Variants in ITGA9 observed in about 807,000 individuals in gnomAD.
ITGA9 encodes the protein integrin subunit alpha 9, also known as integrin alpha-9.
In ITGA9, 56 loss-of-function variants were observed where a neutral mutation model predicts 127.8. The ratio of observed to expected loss-of-function variants is 0.44; its 90% CI spans 0.35 to 0.55. The LOEUF (loss-of-function observed/expected upper bound fraction) is 0.55, where lower values mean the gene tolerates loss of function less well. Among genes scored for constraint, ITGA9 ranks in the 20% least tolerant of loss-of-function variants. The probability of loss-of-function intolerance (pLI) is 0.00; values close to 1 mark genes in which losing one functional copy is unlikely to be tolerated. For synonymous variants in ITGA9, 508 were observed against 514.5 expected, an observed-to-expected ratio of 0.99 and a Z score of 0.17; for missense variants, 1,196 against 1,347.1, an observed-to-expected ratio of 0.89 and a Z score of 1.76.
At chr3:37,708,145 A>ACTCATG (rs997679147) in intron 18 of ITGA9, among the ~76,000 whole-genome samples, 5 of 151,998 alleles carry the variant, frequency 3.3e-5, no homozygotes, top group African/African-American at 9.7e-5. Context: ...GGCCAACCTT[A>ACTCATG]CTCATGTGTC....
At chr3:37,693,123 G>A (rs1390809960) in intron 18 of ITGA9, among the ~76,000 whole-genome samples, 5 of 152,160 alleles carry the variant, frequency 3.3e-5, no homozygotes, top group East Asian at 1.9e-4. Flanking sequence ...CTGTAAGCTC[G>A]TGAGGAATGT....
intron 18 of ITGA9, among the ~76,000 whole-genome samples, chr3:37,708,112 C>T (rs569361308): frequency 2.1e-4 from 32 of 152,302 alleles, no homozygotes; most frequent in African/African-American, 7.0e-4. Flanking sequence ...TTTTTCAGTT[C>T]TGGGCCAGGC....
chr3:37,784,700 TCTAA>T (rs917075504), intron 25 of ITGA9, among the ~76,000 whole-genome samples: 5 of 152,186 alleles, frequency 3.3e-5, no homozygotes, highest in African/African-American at 9.7e-5. Context: ...AATATCTGGC[TCTAA>T]CTGCTTGGAA....
rs115822488 is a variant in ITGA9 at position 37,573,343 on chromosome 3, C to T, written c.1689+30758C>T. ...GATTCTGTTTACTGAGAGATGATGT[C>T]CCAGTTACTCTAGCTCTGTAACAAA... On this transcript the variant is annotated intron_variant, in intron 15 of 27. Transcript: ENST00000264741. The T allele has an allele frequency of 3.5e-3, 533 of 152,248 alleles. 2 individuals are homozygous for T. The highest frequency in any genetic ancestry group is 0.017 in the Middle Eastern group (5 of 294). The allele number at this position is 152,248 out of a possible 1,614,324, so 9.4% of individuals were successfully genotyped here.
rs1052523613 is a variant in ITGA9, at chr3:37,452,622, G to GCGC, written c.185+74_185+76dup. On this transcript the variant is annotated intron_variant, in intron 1 of 27. Coordinates refer to ENST00000264741, the MANE Select transcript of ITGA9 (RefSeq NM_002207.3). This position sits in a 1 kb window ranked among gnomAD's most constrained non-coding sequence, Gnocchi z 7.3. ...GGCCACCGCCCCGGCCCCCAGGCCA[G>GCGC]CGCCGCCGCCGCCTTTCCGGTCTCT... 1.5e-4 allele frequency: 200 copies of GCGC among 1,356,354 alleles called. No individual in the cohort carries two copies. The highest frequency in any genetic ancestry group is 1.8e-4 in the Non-Finnish European group (185 of 1,034,148). 84.0% of individuals were successfully genotyped at this position (1,356,354 alleles called of 1,614,324 possible).
chr3:37,516,976 G>A (rs1020852301), intron 9 of ITGA9, among the ~76,000 whole-genome samples: 1 of 152,146 alleles, frequency 6.6e-6, no homozygotes, highest in Non-Finnish European at 1.5e-5. Flanking sequence ...TGCCATCACA[G>A]CCACCCTCTG....
intron 27 of ITGA9, chr3:37,808,722 T>G (rs1697330132): frequency 6.6e-6 from 1 of 152,208 alleles, no homozygotes; most frequent in African/African-American, 2.4e-5. Context: ...TAAGCTGGTC[T>G]TCAGAGTTCA....
chr3:37,457,133 C>T (rs189129952), intron 1 of ITGA9, among the ~76,000 whole-genome samples: 40 of 152,270 alleles, frequency 2.6e-4, no homozygotes, highest in East Asian at 1.9e-4. Context: ...AAAACCGAAA[C>T]GGGTGCTTAC....
intron 15 of ITGA9, among the ~76,000 whole-genome samples, chr3:37,543,661 G>T (rs563027843): frequency 6.6e-6 from 1 of 152,300 alleles, no homozygotes; most frequent in South Asian, 2.1e-4. Context: ...CTGACTGATA[G>T]TTTGAAAAGT....
intron 15 of ITGA9, among the ~76,000 whole-genome samples, chr3:37,574,627 A>G (rs1230637490): frequency 6.6e-6 from 1 of 152,226 alleles, no homozygotes; most frequent in Non-Finnish European, 1.5e-5. Context: ...GTCTCCTTTT[A>G]GCCCCACAGT....
rs531278104 is a variant in ITGA9 at position 37,768,068 on chromosome 3, TTGAAA to T, written c.2542-9319_2542-9315del. Among the ~76,000 whole-genome samples the T allele has an allele frequency of 2.0e-3, 305 of 152,338 alleles. 1 individual carries two copies. Among genetic ancestry groups the T allele is most frequent in the African/African-American group, 6.6e-3 (273 of 41,572 alleles). The stretch of plus-strand genomic sequence containing the variant: ...CCTGAGTCTGCATTATTACAGGGTC[TTGAAA>T]TGAATGGTGATACGTGAAAGTATTT... On this transcript the variant is annotated intron_variant, in intron 23 of 27. Transcript: ENST00000264741.
chr3:37,621,391 T>A (rs1030684621), intron 15 of ITGA9, among the ~76,000 whole-genome samples: 2 of 152,232 alleles, frequency 1.3e-5, no homozygotes, highest in Non-Finnish European at 2.9e-5. Context: ...TCTTTCGTTG[T>A]TCCCCCATAC....
chr3:37,677,200 C>A (rs1014740150), intron 17 of ITGA9, among the ~76,000 whole-genome samples: 1 of 152,216 alleles, frequency 6.6e-6, no homozygotes, highest in African/African-American at 2.4e-5. Flanking sequence ...TTAATTAACA[C>A]CGTCTCTTAA....
intron 25 of ITGA9, among the ~76,000 whole-genome samples, chr3:37,781,345 A>G (rs1381764786): frequency 6.6e-6 from 1 of 152,184 alleles, no homozygotes; most frequent in Non-Finnish European, 1.5e-5. Context: ...CTGCCATTGT[A>G]TTGTGAAAGC....
rs551842611 is a variant in ITGA9 at position 37,761,139 on chromosome 3, T to G, written c.2541+10570T>G. Among the ~76,000 whole-genome samples, 348 of 152,258 alleles carry G rather than the reference T, an allele frequency of 2.3e-3. 1 individual carries two copies. The highest frequency in any genetic ancestry group is 8.0e-3 in the African/African-American group (332 of 41,532). ...TAAACATATAGAAAGATGCCTAGCC[T>G]CACTGGTAATCAGAGCAATGCAAAC... On this transcript the variant is annotated intron_variant, in intron 23 of 27. Transcript: ENST00000264741.
intron 18 of ITGA9, among the ~76,000 whole-genome samples, chr3:37,716,972 A>G (rs1701142279): frequency 6.6e-6 from 1 of 152,190 alleles, no homozygotes; most frequent in African/African-American, 2.4e-5. Flanking sequence ...TTGCGTATTG[A>G]TCACCGAGGT....
intron 18 of ITGA9, among the ~76,000 whole-genome samples, chr3:37,708,813 T>C (rs1052084851): frequency 6.6e-6 from 1 of 152,238 alleles, no homozygotes; most frequent in African/African-American, 2.4e-5. Context: ...ATTTCCGTAC[T>C]CTTCAGCACT....
chr3:37,499,694 G>C (rs1191169737), intron 5 of ITGA9, among the ~76,000 whole-genome samples: 1 of 152,192 alleles, frequency 6.6e-6, no homozygotes, highest in Non-Finnish European at 1.5e-5. Context: ...AGCCCTGAGG[G>C]TCGCAGGCTT....
intron 18 of ITGA9, among the ~76,000 whole-genome samples, chr3:37,698,321 G>A (rs1336210567): frequency 2.0e-5 from 3 of 152,124 alleles, no homozygotes; most frequent in Non-Finnish European, 4.4e-5. Context: ...CCTTTGCTGT[G>A]CAGAAGCTCT....
Sources: gnomAD v4.1 joint callset for allele counts (sites outside exome capture counted in the v4.1 genomes callset) on GRCh38, gnomAD v4.1.1 for gene constraint, Gnocchi (gnomAD v3.1) non-coding constraint, MANE v1.5 for transcripts, NCBI Gene and HGNC (gene_info 2026-07-23, HGNC 2026-07-21) for gene names.